Variants in WSCD2 observed in about 807,000 individuals in gnomAD.
WSCD2 encodes WSC domain sialate O sulfotransferase 2, also known as sialate:O-sulfotransferase 2.
In WSCD2, 28 loss-of-function variants were observed where a neutral mutation model predicts 55.7. The ratio of observed to expected loss-of-function variants is 0.50; its 90% confidence interval spans 0.37 to 0.69. The LOEUF is 0.69. Among genes scored for constraint, WSCD2 ranks in the 30% least tolerant of loss-of-function variants. WSCD2 has a pLI of 0.00. For missense variants in WSCD2, 616 were observed against 762.1 expected, an observed-to-expected ratio of 0.81 and a Z score of 2.26; for synonymous variants, 301 against 301.9, an observed-to-expected ratio of 1.00 and a Z score of 0.03.
At chr12:108,159,728 G>A (rs537623672) in intron 1 of WSCD2, among the ~76,000 whole-genome samples, 196 of 152,340 alleles carry the variant, frequency 1.3e-3, no homozygotes, top group African/African-American at 4.4e-3. Context: ...GCCCAGGGGA[G>A]GAATCTGTCT....
At chr12:108,225,662 A>G (rs555731593) in intron 5 of WSCD2, among the ~76,000 whole-genome samples, 2 of 152,268 alleles carry the variant, frequency 1.3e-5, no homozygotes, top group African/African-American at 4.8e-5. Context: ...CTTCGGCCTA[A>G]GGAGCTAGAT....
At chr12:108,228,702 A>G (rs1888405182) in intron 6 of WSCD2, among the ~76,000 whole-genome samples, 1 of 152,144 alleles carries the variant, frequency 6.6e-6, no homozygotes, top group Non-Finnish European at 1.5e-5. Context: ...CCTTTTTCTG[A>G]TTTGCACAAA....
chr12:108,241,060 G>C (rs1458755584), intron 8 of WSCD2, among the ~76,000 whole-genome samples: 1 of 152,176 alleles, frequency 6.6e-6, no homozygotes, highest in East Asian at 1.9e-4. Flanking sequence ...TCCAGCCCCA[G>C]GTCAGTGCCT....
intron 6 of WSCD2, 47 bp downstream of exon 6, chr12:108,227,211 CT>C (rs1200370610): frequency 6.3e-7 from 1 of 1,578,370 alleles, no homozygotes. Flanking sequence ...CTCCCAGTGG[CT>C]TCCCTCCCAG....
chr12:108,182,736 G>A (rs1178583213), intron 1 of WSCD2, among the ~76,000 whole-genome samples: 2 of 152,210 alleles, frequency 1.3e-5, no homozygotes, highest in Non-Finnish European at 2.9e-5. Flanking sequence ...TACCTGTGGA[G>A]ATATTTCACC....
At chr12:108,155,053 C>G (rs1411870436) in intron 1 of WSCD2, among the ~76,000 whole-genome samples, 1 of 152,144 alleles carries the variant, frequency 6.6e-6, no homozygotes, top group Non-Finnish European at 1.5e-5. Context: ...GTGAAGAGAC[C>G]TGGGTTTTGG....
rs1875296308 is a variant in WSCD2, at chr12:108,129,828, GAGCGGGCGCGCCA to G, written c.-643_-631del. 1 of 152,256 alleles carries G rather than the reference GAGCGGGCGCGCCA, an allele frequency of 6.6e-6. No individual in the cohort carries two copies. The highest frequency in any genetic ancestry group is 1.5e-5 in the Non-Finnish European group (1 of 68,076). 9.4% of individuals were successfully genotyped at this position (152,256 alleles called of 1,614,324 possible). A position where few individuals can be genotyped will look rare whatever the true frequency, so the allele number is the denominator to read the frequency against. ...TGCAGCAGCTGGGAAGGCGCCCACA[GAGCGGGCGCGCCA>G]AGCGGGACGCGGGAGTCGCAGAGAG... On this transcript the variant is annotated 5_prime_UTR_variant, in exon 1 of 9. Transcript: ENST00000547525.
In WSCD2 at chr12:108,206,281, C is replaced by A. The variant is rs769370133; in HGVS notation, c.383-8C>A. 1.2e-6 allele frequency: 2 copies of A among 1,613,928 alleles called. No homozygotes were observed. Among genetic ancestry groups the A allele is most frequent in the Non-Finnish European group, 8.5e-7 (1 of 1,179,780 alleles). ...CCAGCCACCTTTGACGTTTTCCTTT[C>A]CCCAAAGCCAAGTACATCGGCTGCT... On this transcript the variant is annotated splice_region_variant and splice_polypyrimidine_tract_variant and intron_variant, in intron 2 of 8. Coordinates refer to ENST00000547525, the MANE Select transcript of WSCD2 (RefSeq NM_014653.4).
chr12:108,183,952 G>T (rs901118265), intron 1 of WSCD2, among the ~76,000 whole-genome samples: 1 of 152,174 alleles, frequency 6.6e-6, no homozygotes, highest in African/African-American at 2.4e-5. Flanking sequence ...ATGGCACAGG[G>T]TACATGGAAG....
At chr12:108,201,623 T>A (rs1884690370) in intron 2 of WSCD2, among the ~76,000 whole-genome samples, 1 of 152,132 alleles carries the variant, frequency 6.6e-6, no homozygotes, top group East Asian at 1.9e-4. Flanking sequence ...GAGTAATATT[T>A]GAGGCTACTG....
chr12:108,164,575 G>A (rs985982697), intron 1 of WSCD2, among the ~76,000 whole-genome samples: 3 of 152,148 alleles, frequency 2.0e-5, no homozygotes, highest in Non-Finnish European at 4.4e-5. Context: ...GAACAGAGGT[G>A]CTAGGGACAT....
chr12:108,248,261 T>A lies in WSCD2; in HGVS notation c.1616T>A (p.Ile539Asn). 3.1e-6 allele frequency: 5 copies of A among 1,614,172 alleles called. No individual in the cohort carries two copies. Among genetic ancestry groups the A allele is most frequent in the Non-Finnish European group, 4.2e-6 (5 of 1,180,020 alleles). ...TATACTGCGGACATGCAGAAGACCA[T>A]CTCTGCCTACATCAAGATGGTGGAT... is the stretch of plus-strand genomic sequence containing the variant. Reference protein sequence around the residue: ...DPYTADMQKTISAYIKMVDAA... With the variant: ...DPYTADMQKTNSAYIKMVDAA... The change falls in exon 9 of 9, where the codon ATC becomes AAC. Residue 539 changes from isoleucine (I) to asparagine (N), a missense_variant. By Grantham distance (149) the Ile-to-Asn change is moderately radical. Around this residue, in one of 3 missense-constraint regions of WSCD2, gnomAD observed 234 missense variants for 264.6 expected, o/e 0.88. Transcript: ENST00000547525. This position sits in a 1 kb window ranked among gnomAD's most constrained non-coding sequence, Gnocchi z 4.3.
At chr12:108,244,029 A>AAC (rs1889930560) in intron 8 of WSCD2, among the ~76,000 whole-genome samples, 1 of 152,336 alleles carries the variant, frequency 6.6e-6, no homozygotes, top group East Asian at 1.9e-4. Flanking sequence ...TGTTTAATGA[A>AAC]ACAGATACTG....
At chr12:108,243,914 C>T (rs1047039895) in intron 8 of WSCD2, among the ~76,000 whole-genome samples, 1 of 152,172 alleles carries the variant, frequency 6.6e-6, no homozygotes, top group African/African-American at 2.4e-5. Flanking sequence ...ACCACCACCC[C>T]CACTCTGCTT....
At chr12:108,191,394 G>C (rs1036754034) in intron 1 of WSCD2, among the ~76,000 whole-genome samples, 3 of 152,224 alleles carry the variant, frequency 2.0e-5, no homozygotes, top group African/African-American at 7.2e-5. Context: ...GAGAGAGGCA[G>C]GAGAGAGAGA....
intron 1 of WSCD2, among the ~76,000 whole-genome samples, chr12:108,140,954 C>T (rs1271245289): frequency 2.0e-5 from 3 of 152,256 alleles, no homozygotes; most frequent in Non-Finnish European, 4.4e-5. Flanking sequence ...TGCTTTTCAG[C>T]GTGAGCGGAT....
intron 4 of WSCD2, among the ~76,000 whole-genome samples, chr12:108,216,944 G>A (rs1886909376): frequency 2.0e-5 from 3 of 152,208 alleles, no homozygotes; most frequent in Admixed American, 6.5e-5. Flanking sequence ...GCATATTAAT[G>A]GACTACTGAC....
At chr12:108,181,866 G>A (rs903641138) in intron 1 of WSCD2, among the ~76,000 whole-genome samples, 2 of 152,178 alleles carry the variant, frequency 1.3e-5, no homozygotes, top group African/African-American at 4.8e-5. Flanking sequence ...GAATTACCTG[G>A]CCCCATGGTA....
chr12:108,150,973 C>T (rs1232430398), intron 1 of WSCD2, among the ~76,000 whole-genome samples: 1 of 151,994 alleles, frequency 6.6e-6, no homozygotes, highest in Non-Finnish European at 1.5e-5. Flanking sequence ...GGGCTCCTGC[C>T]ATCTGAGCGT....
Sources: allele counts gnomAD v4.1 joint callset (sites outside exome capture counted in the v4.1 genomes callset), GRCh38; gene constraint gnomAD v4.1.1; regional missense constraint gnomAD v4.1.1; non-coding constraint Gnocchi (gnomAD v3.1); transcripts MANE v1.5; gene names NCBI Gene and HGNC (gene_info 2026-07-23, HGNC 2026-07-21).